PLEC: variants seen among roughly 807,000 people sequenced by gnomAD.
PLEC encodes plectin.
Under a neutral mutation model 392.8 loss-of-function variants are expected in PLEC, and 216 were observed. The ratio of observed to expected loss-of-function variants is 0.55; its 90% CI spans 0.49 to 0.62. The LOEUF (loss-of-function observed/expected upper bound fraction) is 0.62, where lower values mean the gene tolerates loss of function less well. Among genes scored for constraint, PLEC ranks in the 20% least tolerant of loss-of-function variants. PLEC has a pLI of 0.00. For synonymous variants in PLEC, 3,621 were observed against 2,980.6 expected (o/e 1.21, Z -7.00); for missense variants, 6,863 against 6,563.4 (o/e 1.05, Z -1.58).
chr8:143,953,857 G>C (rs1467903543), upstream of PLEC: 2 of 1,576,514 alleles, frequency 1.3e-6, no homozygotes, highest in African/African-American at 2.7e-5. Context: ...GCCGCAGCCG[G>C]GGGAGGAGCC....
rs886179070 is a variant in PLEC, at chr8:143,929,093, G to C, written c.3260+10C>G. 6.4e-7 allele frequency: 1 copy of C among 1,563,714 alleles called. No individual in the cohort carries two copies. The highest frequency in any genetic ancestry group is 1.4e-5 in the African/African-American group (1 of 74,008). ...ACCCCAGCCCCTCGCCTGTGGCCAGGTGCACTCACTTCTCCAGGTAGATGG... is the reference window on the plus strand; with the variant it reads ...ACCCCAGCCCCTCGCCTGTGGCCAGCTGCACTCACTTCTCCAGGTAGATGG... On this transcript the variant is annotated intron_variant, in intron 25 of 31. Coordinates refer to ENST00000345136, the MANE Select transcript of PLEC (RefSeq NM_201384.3).
At position 143,921,810 on chromosome 8, in the gene PLEC, G is replaced by T; in HGVS notation, c.8011C>A (p.Arg2671=). ...AGILSAEELQ[R]LAQGHTTVDE... is the part of the protein sequence containing the mutation. ...ACCGTGGTGTGGCCCTGCGCCAACC[G>T]CTGCAGCTCCTCCGCACTCAGGATG... is the stretch of plus-strand genomic sequence containing the variant. The change falls in exon 32 of 32, where the codon CGG becomes AGG. Residue 2671 remains arginine (R), a synonymous_variant. Coordinates refer to ENST00000345136, the MANE Select transcript of PLEC (RefSeq NM_201384.3). 1.2e-6 allele frequency: 2 copies of T among 1,608,922 alleles called. No homozygotes were observed. The highest frequency in any genetic ancestry group is 8.5e-7 in the Non-Finnish European group (1 of 1,179,720).
Position 143,922,718 on chromosome 8 carries a change from T to A in PLEC, c.7211A>T (p.Gln2404Leu), listed in dbSNP as rs1554690253. ...CTCCTCCGCCTGCTTCCGGAAGCGC[T>A]GGGCGTCCTCCTCAGCGCGGGCCTG... ...RAQARAEEDA[Q>L]RFRKQAEEIG... Residue 2404 changes from glutamine to leucine, a missense_variant, in exon 31 of 32, where the codon CAG becomes CTG. Coordinates refer to ENST00000345136, the MANE Select transcript of PLEC (RefSeq NM_201384.3). 1 of 1,612,180 alleles carries A rather than the reference T, an allele frequency of 6.2e-7. No homozygotes were observed. The highest frequency in any genetic ancestry group is 1.7e-5 in the Admixed American group (1 of 59,970).
Position 143,949,600 on chromosome 8 carries a change from C to T in PLEC, c.523+584G>A, listed in dbSNP as rs374729755. 3.8e-4 allele frequency among the ~76,000 whole-genome samples: 58 copies of T among 152,336 alleles called. No homozygotes were observed. In the East Asian group the frequency reaches 7.5e-3, roughly 20 times the overall value. On this transcript the variant is annotated intron_variant, in intron 1 of 31. Coordinates refer to the PLEC transcript ENST00000322810. ...CACCACAGCCTGGCCTCTGCCCTGCCGGAGGAGCCTCCTGCCTGGACCCTG... is the reference window on the plus strand; with the variant it reads ...CACCACAGCCTGGCCTCTGCCCTGCTGGAGGAGCCTCCTGCCTGGACCCTG...
upstream of PLEC, chr8:143,942,362 C>A (rs199502014): frequency 6.3e-7 from 1 of 1,599,414 alleles, no homozygotes; most frequent in Non-Finnish European, 8.5e-7. Flanking sequence ...GTGGCCCCTT[C>A]TGTGCCACCG....
At position 143,916,447 on chromosome 8, in the gene PLEC, G is replaced by A; in HGVS notation, c.13374C>T (p.Gly4458=). ...CAGCCTCCAGCAGCCGCAGCCCCGTGCCCTCCTCCACCATGCTGCGGTCCA... is the reference window on the plus strand; with the variant it reads ...CAGCCTCCAGCAGCCGCAGCCCCGTACCCTCCTCCACCATGCTGCGGTCCA... The part of the protein sequence containing the change: ...DALDRSMVEE[G]TGLRLLEAAA... The change falls in exon 32 of 32, where the codon GGC becomes GGT. Residue 4458 remains glycine, a synonymous_variant. Transcript: ENST00000345136. 6.2e-7 allele frequency: 1 copy of A among 1,611,852 alleles called. No homozygotes were observed. Among genetic ancestry groups the A allele is most frequent in the Non-Finnish European group, 8.5e-7 (1 of 1,179,494 alleles).
upstream of PLEC, chr8:143,942,352 G>A (rs1554729275): frequency 5.6e-6 from 9 of 1,597,268 alleles, no homozygotes; most frequent in Non-Finnish European, 7.7e-6. Flanking sequence ...GAGAGCGATG[G>A]TGGCCCCTTC....
rs371948989 is a variant in PLEC at position 143,921,232 on chromosome 8, C to T, written c.8589G>A (p.Thr2863=). The T allele has an allele frequency of 1.1e-5, 18 of 1,614,096 alleles. No individual in the cohort carries two copies. The highest frequency in any genetic ancestry group is 5.5e-5 in the South Asian group (5 of 91,084). ...CGCAGCGCTCCAGTAGCTGCAGGTA[C>T]GTGAGGTTCTCGTGCGTGTTGGGGT... ...FFDPNTHENL[T]YLQLLERCVE... is the part of the protein sequence containing the mutation. Residue 2863 remains threonine (T), a synonymous_variant, in exon 32 of 32, where the codon ACG becomes ACA. Transcript: ENST00000345136.
rs112173070 is a variant in PLEC, at chr8:143,927,449, G to A, written c.3717C>T (p.Ala1239=). 29,489 of 1,598,870 alleles carry A rather than the reference G, an allele frequency of 0.018. 729 individuals carry two copies. The highest frequency in any genetic ancestry group is 0.13 in the African/African-American group (9,401 of 74,908). ...RQEQIQAMPL[A]DSQAVREQLR... Reference sequence around the variant, plus strand: ...GCTGCTCCCGCACAGCCTGGCTGTCGGCCAGCGGCATGGCCTGGATCTGCT... The same window carrying A: ...GCTGCTCCCGCACAGCCTGGCTGTCAGCCAGCGGCATGGCCTGGATCTGCT... The change falls in exon 27 of 32, where the codon GCC becomes GCT. Residue 1239 remains alanine (A), a synonymous_variant. Transcript: ENST00000345136.
At chr8:143,954,596 A>T (rs1452483930), upstream of PLEC, among the ~76,000 whole-genome samples, 1 of 152,098 alleles carries the variant, frequency 6.6e-6, no homozygotes, top group African/African-American at 2.4e-5. This position sits in a 1 kb window ranked among gnomAD's most constrained non-coding sequence, Gnocchi z 4.6. Context: ...GCTCTGATCC[A>T]ACCACCCCTA....
chr8:143,940,129 A>G (rs1467142314), upstream of PLEC, among the ~76,000 whole-genome samples: 3 of 152,112 alleles, frequency 2.0e-5, no homozygotes, highest in Non-Finnish European at 4.4e-5. Flanking sequence ...TGAAGCGGGG[A>G]GCACACCCTG....
intron 1 of PLEC, among the ~76,000 whole-genome samples, chr8:143,960,434 A>C (rs1231758341): frequency 6.6e-5 from 10 of 151,658 alleles, no homozygotes; most frequent in African/African-American, 2.4e-4. Context: ...CTGGCCAACA[A>C]GGTGAAACCC....
In PLEC at chr8:143,930,419, G is replaced by A; in HGVS notation, c.2422C>T (p.Pro808Ser). 6.4e-7 allele frequency: 1 copy of A among 1,572,838 alleles called. No homozygotes were observed. Among genetic ancestry groups the A allele is most frequent in the Non-Finnish European group, 8.6e-7 (1 of 1,160,990 alleles). The change falls in exon 20 of 32, where the codon CCC becomes TCC. Residue 808 changes from proline (P) to serine (S), a missense_variant. Transcript: ENST00000345136. ...HPAHPMRGRL[P>S]LLAVCDYKQV... is the part of the protein sequence containing the mutation. Reference sequence around the variant, plus strand: ...TTATAGTCGCACACGGCCAGCAGGGGCAGGCGGCCCCGCATGGGGTGGGCT... The same window carrying A: ...TTATAGTCGCACACGGCCAGCAGGGACAGGCGGCCCCGCATGGGGTGGGCT...
rs782360547 is a variant in PLEC at position 143,924,374 on chromosome 8, G to A, written c.5555C>T (p.Ala1852Val). 41 of 1,595,862 alleles carry A rather than the reference G, an allele frequency of 2.6e-5. 1 individual carries two copies. The highest frequency in any genetic ancestry group is 1.7e-4 in the Admixed American group (10 of 59,856). The change falls in exon 31 of 32, where the codon GCG becomes GTG. Residue 1852 changes from alanine to valine, a missense_variant. By Grantham distance (64) the Ala-to-Val change is moderately conservative. Coordinates refer to ENST00000345136, the MANE Select transcript of PLEC (RefSeq NM_201384.3). ...CTCCTTCTCCTTGAGCGCGATCTCCGCCTCCGTCTTGAGCCGCGTGGCCTC... is the reference window on the plus strand; with the variant it reads ...CTCCTTCTCCTTGAGCGCGATCTCCACCTCCGTCTTGAGCCGCGTGGCCTC... ...IGEATRLKTE[A>V]EIALKEKEAE...
In PLEC at chr8:143,918,219, C is replaced by T. The variant is rs782028739; in HGVS notation, c.11602G>A (p.Asp3868Asn). Residue 3868 changes from aspartate (D) to asparagine (N), a missense_variant, in exon 32 of 32, where the codon GAC becomes AAC. By Grantham distance (23) the Asp-to-Asn change is conservative (BLOSUM62 1). Transcript: ENST00000345136. ...GGCAGGAGCAGCTGGCCGGTGCCGTCGTCACGACGGCACCGCCTGAGCAGC... is the reference window on the plus strand; with the variant it reads ...GGCAGGAGCAGCTGGCCGGTGCCGTTGTCACGACGGCACCGCCTGAGCAGC... Reference protein sequence around the residue: ...TQLLRRCRRDDGTGQLLLPLS... With the variant: ...TQLLRRCRRDNGTGQLLLPLS... 2.0e-5 allele frequency: 32 copies of T among 1,577,428 alleles called. No homozygotes were observed. Among genetic ancestry groups the T allele is most frequent in the Admixed American group, 1.4e-4 (8 of 56,662 alleles).
upstream of PLEC, among the ~76,000 whole-genome samples, chr8:143,943,208 C>T (rs1248055816): frequency 1.3e-5 from 2 of 152,240 alleles, no homozygotes; most frequent in African/African-American, 4.8e-5. Flanking sequence ...GATAGGCAGT[C>T]CCTCTGGCCA....
upstream of PLEC, chr8:143,953,848 C>T (rs1175209228): frequency 1.3e-6 from 2 of 1,588,236 alleles, no homozygotes; most frequent in Admixed American, 3.5e-5. Flanking sequence ...CAGGCCAGCG[C>T]CGCAGCCGGG....
Position 143,916,615 on chromosome 8 carries a change from C to T in PLEC, c.13206G>A (p.Thr4402=), listed in dbSNP as rs560777163. The change falls in exon 32 of 32, where the codon ACG becomes ACA. Residue 4402 remains threonine (T), a synonymous_variant. Coordinates refer to ENST00000345136, the MANE Select transcript of PLEC (RefSeq NM_201384.3). ...CCTCGTCCAGGGGCACGCGGCCCGG[C>T]GTGTCGGGCTCGATCAAGCCGCCGG... ...YLTGGLIEPD[T]PGRVPLDEAL... The T allele has an allele frequency of 3.6e-5, 58 of 1,609,894 alleles. No individual in the cohort carries two copies. In the Middle Eastern group the frequency reaches 5.0e-4, roughly 14 times the overall value.
At chr8:143,931,468 G>A in intron 19 of PLEC, 66 bp downstream of exon 19, 4 of 1,538,612 alleles carry the variant, frequency 2.6e-6, no homozygotes. Context: ...AGTCTCCAGA[G>A]TACCCGTGCA....
Sources: allele counts gnomAD v4.1 joint callset (sites outside exome capture counted in the v4.1 genomes callset), GRCh38; gene constraint gnomAD v4.1.1; non-coding constraint Gnocchi (gnomAD v3.1); transcripts MANE v1.5; gene names NCBI Gene and HGNC (gene_info 2026-07-23, HGNC 2026-07-21).